Variants in SYNE1 observed in about 807,000 individuals in gnomAD.
The protein encoded by SYNE1 is nesprin-1.
In SYNE1, 616 loss-of-function variants were observed where a neutral mutation model predicts 1,111.0. The ratio of observed to expected loss-of-function variants is 0.55; its 90% CI spans 0.52 to 0.59. The LOEUF (loss-of-function observed/expected upper bound fraction) is 0.59. Among genes scored for constraint, SYNE1 ranks in the 20% least tolerant of loss-of-function variants. SYNE1 has a pLI of 0.00. For missense variants in SYNE1, 10,006 were observed against 10,417.0 expected (o/e 0.96, Z 1.72); for synonymous variants, 3,855 against 3,825.8 (o/e 1.01, Z -0.28).
intron 29 of SYNE1, among the ~76,000 whole-genome samples, chr6:152,445,561 C>G (rs765672872): frequency 6.6e-6 from 1 of 151,978 alleles, no homozygotes; most frequent in Non-Finnish European, 1.5e-5. Flanking sequence ...TTCTTTGACT[C>G]TCTTCTGATC....
At chr6:152,510,500 C>G in intron 7 of SYNE1, 129 bp from the exon 8 acceptor site, 1 of 1,045,676 alleles carries the variant, frequency 9.6e-7, no homozygotes, top group Non-Finnish European at 1.4e-6. Context: ...AATGCAAGCT[C>G]TTAAAGGGCA....
At chr6:152,229,327 A>G (rs2082238237) in intron 115 of SYNE1, among the ~76,000 whole-genome samples, 1 of 152,204 alleles carries the variant, frequency 6.6e-6, no homozygotes, top group Admixed American at 6.5e-5. Context: ...ATTAACTGCA[A>G]TAGCTCACTT....
At chr6:152,188,937 A>C (rs1349977806) in intron 128 of SYNE1, among the ~76,000 whole-genome samples, 1 of 126,650 alleles carries the variant, frequency 7.9e-6, no homozygotes, top group African/African-American at 3.0e-5. Flanking sequence ...CAGCCTGGGC[A>C]AAAGAGTGAG....
At chr6:152,142,986 G>A (rs1466351777) in intron 138 of SYNE1, among the ~76,000 whole-genome samples, 2 of 152,150 alleles carry the variant, frequency 1.3e-5, no homozygotes, top group African/African-American at 4.8e-5. Context: ...AGTACGCGTA[G>A]GAAAGCAGGT....
At chr6:152,388,175 T>G (rs1411009107) in intron 53 of SYNE1, among the ~76,000 whole-genome samples, 5 of 152,180 alleles carry the variant, frequency 3.3e-5, no homozygotes, top group African/African-American at 9.7e-5. Context: ...TTGCATCCAT[T>G]GATCCATTGG....
At chr6:152,320,462 C>T (rs2095845245) in intron 84 of SYNE1, among the ~76,000 whole-genome samples, 1 of 152,050 alleles carries the variant, frequency 6.6e-6, no homozygotes, top group African/African-American at 2.4e-5. Context: ...CTCTTTGTCT[C>T]ATATAGAAGG....
At chr6:152,564,542 C>G (rs1310543138) in intron 3 of SYNE1, among the ~76,000 whole-genome samples, 1 of 152,076 alleles carries the variant, frequency 6.6e-6, no homozygotes, top group Non-Finnish European at 1.5e-5. Flanking sequence ...GTCTTGAGCT[C>G]CTGAACTCAA....
At chr6:152,205,339 T>C (rs1177278258) in intron 126 of SYNE1, among the ~76,000 whole-genome samples, 1 of 152,204 alleles carries the variant, frequency 6.6e-6, no homozygotes, top group Non-Finnish European at 1.5e-5. Flanking sequence ...CTATCATTCA[T>C]TTAGCGCTCA....
intron 45 of SYNE1, 25 bp downstream of exon 45, chr6:152,406,989 C>G: frequency 2.5e-6 from 4 of 1,602,882 alleles, no homozygotes; most frequent in Non-Finnish European, 3.4e-6. Context: ...CCACCAGCTG[C>G]CATATGTCAA....
At chr6:152,214,569 G>A (rs976653093) in intron 122 of SYNE1, among the ~76,000 whole-genome samples, 29 of 152,330 alleles carry the variant, frequency 1.9e-4, no homozygotes, top group African/African-American at 6.5e-4. Context: ...ATTAGGCCAT[G>A]AGGACTCCTC....
Position 152,294,023 on chromosome 6 carries a change from C to T in SYNE1, c.17787G>A (p.Leu5929=). 6.2e-7 allele frequency: 1 copy of T among 1,614,114 alleles called. No individual in the cohort carries two copies. The highest frequency in any genetic ancestry group is 1.1e-5 in the South Asian group (1 of 91,084). The change falls in exon 94 of 146, where the codon TTG becomes TTA. Residue 5929 remains leucine, a synonymous_variant. Coordinates refer to ENST00000367255, the MANE Select transcript of SYNE1 (RefSeq NM_182961.4). Reference sequence around the variant, plus strand: ...CCAGTTTGGCAGTAGCGGATGGCTCCAATCCCGGTTCATAGAACTCCTGGG... The same window carrying T: ...CCAGTTTGGCAGTAGCGGATGGCTCTAATCCCGGTTCATAGAACTCCTGGG... ...SASQEFYEPG[L]EPSATAKLGD...
chr6:152,414,098 A>C (rs1592200406), intron 41 of SYNE1, among the ~76,000 whole-genome samples: 1 of 151,862 alleles, frequency 6.6e-6, no homozygotes, highest in South Asian at 2.1e-4. Context: ...TTAGTATCTC[A>C]GCATTTATAA....
Position 152,132,350 on chromosome 6 carries a change from A to G in SYNE1, c.26002-136T>C, listed in dbSNP as rs184050480. 92 of 789,086 alleles carry G rather than the reference A, an allele frequency of 1.2e-4. 1 individual carries two copies. The highest frequency in any genetic ancestry group is 6.8e-4 in the Middle Eastern group (3 of 4,444). The allele number at this position is 789,086 out of a possible 1,614,324, so 48.9% of individuals were successfully genotyped here. On this transcript the variant is annotated intron_variant, in intron 143 of 145. Transcript: ENST00000367255. ...ATAAAAATCAAACCATTCCTTGGGG[A>G]AAATGGAACCAGACAGGTACAAGAA...
chr6:152,475,663 T>G (rs1016066977), intron 14 of SYNE1, among the ~76,000 whole-genome samples: 1 of 152,144 alleles, frequency 6.6e-6, no homozygotes, highest in South Asian at 2.1e-4. Context: ...GAAAAACTGA[T>G]AGAACTGTAA....
chr6:152,315,178 C>T (rs1317371600), intron 87 of SYNE1: 1 of 147,836 alleles, frequency 6.8e-6, no homozygotes, highest in Non-Finnish European at 1.5e-5. Context: ...CAAAAGGAGC[C>T]AACAGGCCAG....
intron 127 of SYNE1, among the ~76,000 whole-genome samples, chr6:152,196,304 C>T (rs972866187): frequency 6.6e-6 from 1 of 152,110 alleles, no homozygotes; most frequent in Non-Finnish European, 1.5e-5. Context: ...AGTTACAAGA[C>T]AAAGTCCCCT....
chr6:152,433,161 A>G lies in SYNE1; in HGVS notation c.4461+634T>C, dbSNP rs189994582. ...TGTGTGGTATAAAATTGTATAAAAGAAAGAGAAATAAACACTCCAAGCCCC... is the reference window on the plus strand; with the variant it reads ...TGTGTGGTATAAAATTGTATAAAAGGAAGAGAAATAAACACTCCAAGCCCC... On this transcript the variant is annotated intron_variant, in intron 34 of 145. Coordinates refer to ENST00000367255, the MANE Select transcript of SYNE1 (RefSeq NM_182961.4). 3.3e-5 allele frequency among the ~76,000 whole-genome samples: 5 copies of G among 152,142 alleles called. No homozygotes were observed. In the East Asian group the frequency reaches 9.7e-4, roughly 29 times the overall value.
chr6:152,384,950 T>G (rs1044574811), intron 55 of SYNE1, among the ~76,000 whole-genome samples: 2 of 152,166 alleles, frequency 1.3e-5, no homozygotes, highest in Non-Finnish European at 2.9e-5. Flanking sequence ...TTTATGACTT[T>G]TATGTTCTGA....
chr6:152,368,261 T>C (rs2097116096), intron 61 of SYNE1: 1 of 152,434 alleles, frequency 6.6e-6, no homozygotes, highest in Admixed American at 6.5e-5. Flanking sequence ...ATAAGCCACA[T>C]AAAGCTCAAG....
Sources: allele counts gnomAD v4.1 joint callset (sites outside exome capture counted in the v4.1 genomes callset), GRCh38; gene constraint gnomAD v4.1.1; transcripts MANE v1.5; gene names NCBI Gene and HGNC (gene_info 2026-07-23, HGNC 2026-07-21).